The following SFMBT1 variants were observed in gnomAD, a reference collection of about 807,000 sequenced individuals.
The protein encoded by SFMBT1 is Scm like with four mbt domains 1.
A neutral mutation model predicts 108.7 loss-of-function variants in SFMBT1; 32 were observed. The ratio of observed to expected loss-of-function variants is 0.29; its 90% CI spans 0.22 to 0.40. The LOEUF (loss-of-function observed/expected upper bound fraction) is 0.40. SFMBT1 is among the 10% of genes least tolerant of loss of function. The pLI is 1.00. For missense variants in SFMBT1, 816 were observed against 1,059.6 expected (o/e 0.77, Z 3.19); for synonymous variants, 348 against 369.5 (o/e 0.94, Z 0.67).
At position 53,002,475 on chromosome 3, in the gene SFMBT1, C is replaced by T. The variant is rs964760295; in HGVS notation, c.-130-33217G>A. Among the ~76,000 whole-genome samples the T allele has an allele frequency of 4.7e-5, 7 of 149,674 alleles. 1 individual carries two copies. The highest frequency in any genetic ancestry group is 1.7e-4 in the African/African-American group (7 of 41,184). On this transcript the variant is annotated intron_variant, in intron 1 of 20. Transcript: ENST00000394752. ...ACAAATAAGCAAAACTATCCAGGCCCAAAGTTATTATTTCAAATTATAATA... is the reference window on the plus strand; with the variant it reads ...ACAAATAAGCAAAACTATCCAGGCCTAAAGTTATTATTTCAAATTATAATA...
rs372326832 is a variant in SFMBT1, at chr3:52,944,255, T to C, written c.124-662A>G. ...GGTTTCTCACCATGGGAAAAAGAAG[T>C]GACAAATAAGCAAAGGGAAGCCTGT... On this transcript the variant is annotated intron_variant, in intron 3 of 20. Coordinates refer to ENST00000394752, the MANE Select transcript of SFMBT1 (RefSeq NM_016329.4). Among the ~76,000 whole-genome samples, 6 of 152,156 alleles carry C rather than the reference T, an allele frequency of 3.9e-5. No individual in the cohort carries two copies. In the South Asian group the frequency reaches 8.3e-4, roughly 21 times the overall value.
Position 52,913,498 on chromosome 3 carries a change from A to C in SFMBT1, c.1600T>G (p.Cys534Gly). ...ELPQCVGPGN[C>G]VLVLREVLTL... ...CTTACCTCTCTAAGGACCAGAACAC[A>C]GTTCCCAGGTCCTACACATTGAGGC... The change falls in exon 15 of 21, where the codon TGT (cysteine) becomes GGT (glycine). Residue 534 changes from cysteine to glycine, a missense_variant. Transcript: ENST00000394752. 4 of 1,614,040 alleles carry C rather than the reference A, an allele frequency of 2.5e-6. No homozygotes were observed. The highest frequency in any genetic ancestry group is 3.4e-6 in the Non-Finnish European group (4 of 1,179,972).
In SFMBT1 at chr3:52,968,883, G is replaced by A. The variant is rs147738001; in HGVS notation, c.28+218C>T. Among the ~76,000 whole-genome samples, 353 of 152,162 alleles carry A rather than the reference G, an allele frequency of 2.3e-3. 1 individual carries two copies. The highest frequency in any genetic ancestry group is 7.3e-3 in the African/African-American group (305 of 41,508). ...GTTATGATTACAGGTATGAGCCACC[G>A]CGCCCGGCCTTGTTCATAACAGTTT... On this transcript the variant is annotated intron_variant, in intron 2 of 20. Coordinates refer to ENST00000394752, the MANE Select transcript of SFMBT1 (RefSeq NM_016329.4).
At chr3:53,023,260 G>A (rs556814006) in intron 1 of SFMBT1, among the ~76,000 whole-genome samples, 3 of 152,260 alleles carry the variant, frequency 2.0e-5, no homozygotes, top group East Asian at 3.9e-4. Context: ...CTGAACTCAA[G>A]GAAATGAACA....
intron 1 of SFMBT1, among the ~76,000 whole-genome samples, chr3:53,001,797 A>G (rs1359644372): frequency 6.7e-6 from 1 of 148,308 alleles, no homozygotes; most frequent in Non-Finnish European, 1.5e-5. Flanking sequence ...ATGGTGGCTC[A>G]TGACTGTGGT....
chr3:52,932,455 C>A, intron 5 of SFMBT1, 147 bp from the exon 6 acceptor site: 1 of 730,640 alleles, frequency 1.4e-6, no homozygotes, highest in South Asian at 2.0e-5. Flanking sequence ...ATCATACAAG[C>A]CTCTTACAGT....
chr3:52,909,553 T>C (rs530306468), intron 17 of SFMBT1, among the ~76,000 whole-genome samples: 38 of 152,348 alleles, frequency 2.5e-4, no homozygotes, highest in South Asian at 6.2e-4. Flanking sequence ...TGCAGATAGA[T>C]ACTCAGGACC....
intron 1 of SFMBT1, among the ~76,000 whole-genome samples, chr3:53,029,900 G>A (rs1699624098): frequency 6.6e-6 from 1 of 151,934 alleles, no homozygotes. Context: ...TTGGCATCTT[G>A]GGGGCAGGGA....
At chr3:52,919,622 G>C (rs1412709644) in intron 12 of SFMBT1, among the ~76,000 whole-genome samples, 1 of 152,178 alleles carries the variant, frequency 6.6e-6, no homozygotes, top group Non-Finnish European at 1.5e-5. Flanking sequence ...TGTTTAAAAA[G>C]GGGGAAACTG....
intron 1 of SFMBT1, among the ~76,000 whole-genome samples, chr3:52,972,617 C>T (rs1413145254): frequency 6.6e-6 from 1 of 152,012 alleles, no homozygotes; most frequent in Non-Finnish European, 1.5e-5. Flanking sequence ...CTAAGAGTTA[C>T]TCATTTAAGG....
intron 1 of SFMBT1, among the ~76,000 whole-genome samples, chr3:52,984,768 GTC>G (rs1553640681): frequency 5.8e-5 from 8 of 137,318 alleles, no homozygotes; most frequent in Non-Finnish European, 1.1e-4. Context: ...GTGTGTGTGT[GTC>G]TATTCATACT....
chr3:52,924,443 A>T (rs1702600737), intron 10 of SFMBT1, among the ~76,000 whole-genome samples: 1 of 152,050 alleles, frequency 6.6e-6, no homozygotes, highest in Non-Finnish European at 1.5e-5. Flanking sequence ...GGAGTTTGAG[A>T]CCAGCCTGGC....
chr3:52,911,296 T>C, intron 16 of SFMBT1, 118 bp from the exon 17 acceptor site: 1 of 1,019,164 alleles, frequency 9.8e-7, no homozygotes, highest in East Asian at 2.7e-5. Context: ...CTATGTCCTT[T>C]ATAGTTCAAG....
At position 52,907,308 on chromosome 3, in the gene SFMBT1, C is replaced by G; in HGVS notation, c.2092G>C (p.Gly698Arg). 6.2e-7 allele frequency: 1 copy of G among 1,611,972 alleles called. No homozygotes were observed. The highest frequency in any genetic ancestry group is 1.7e-4 in the Middle Eastern group (1 of 6,060). Residue 698 changes from glycine to arginine, a missense_variant, in exon 19 of 21, where the codon GGG becomes CGG. Around this residue, in one of 5 missense-constraint regions of SFMBT1, gnomAD observed 177 missense variants for 182.0 expected, o/e 0.97. Transcript: ENST00000394752. ...TCTGGGTCATCCTCATCTTCACCCC[C>G]ACTTCCCTGCAGGAAAAGGAGAGAA... ...NTPAGSPQGS[G>R]GEDEDDPDEG...
chr3:52,941,830 T>TC (rs1164735361), intron 4 of SFMBT1, among the ~76,000 whole-genome samples: 6 of 151,884 alleles, frequency 4.0e-5, no homozygotes, highest in Admixed American at 3.9e-4. Context: ...ACCTGGGAGT[T>TC]CAAGGACACA....
At chr3:53,010,785 G>T (rs1325197211) in intron 1 of SFMBT1, among the ~76,000 whole-genome samples, 1 of 152,124 alleles carries the variant, frequency 6.6e-6, no homozygotes, top group Non-Finnish European at 1.5e-5. Flanking sequence ...CTTCTCCATT[G>T]AATTTTAATT....
At chr3:52,913,710 G>C (rs1006964485) in intron 14 of SFMBT1, 93 bp from the exon 15 acceptor site, 99 of 1,311,658 alleles carry the variant, frequency 7.5e-5, no homozygotes, top group Non-Finnish European at 7.3e-5. Context: ...CGAAGCACAT[G>C]TACCATTATA....
Position 52,907,095 on chromosome 3 carries a change from C to A in SFMBT1, c.2305G>T (p.Asp769Tyr). The change falls in exon 19 of 21, where the codon GAT (aspartate) becomes TAT (tyrosine). Residue 769 changes from aspartate to tyrosine, a missense_variant. By Grantham distance (160) the Asp-to-Tyr change is radical. Around this residue, in one of 5 missense-constraint regions of SFMBT1, gnomAD observed 177 missense variants for 182.0 expected, o/e 0.97. Coordinates refer to ENST00000394752, the MANE Select transcript of SFMBT1 (RefSeq NM_016329.4). ...TTTGGTGAAGGAGGTTTATTTTCAT[C>A]GTCAGAAAATGAAAAGGTGCGAAGC... Reference protein sequence around the residue: ...RELRTFSFSDDENKPPSPKEI... With the variant: ...RELRTFSFSDYENKPPSPKEI... 1 of 1,612,638 alleles carries A rather than the reference C, an allele frequency of 6.2e-7. No homozygotes were observed. Among genetic ancestry groups the A allele is most frequent in the Non-Finnish European group, 8.5e-7 (1 of 1,179,592 alleles).
At chr3:52,940,185 T>C (rs1183503880) in intron 4 of SFMBT1, among the ~76,000 whole-genome samples, 2 of 152,232 alleles carry the variant, frequency 1.3e-5, no homozygotes, top group Non-Finnish European at 2.9e-5. Context: ...TAGAGCTCTC[T>C]CTTCTATTGT....
Sources: gnomAD v4.1 joint callset for allele counts (sites outside exome capture counted in the v4.1 genomes callset) on GRCh38, gnomAD v4.1.1 for gene constraint, gnomAD v4.1.1 regional missense constraint, MANE v1.5 for transcripts, NCBI Gene and HGNC (gene_info 2026-07-23, HGNC 2026-07-21) for gene names.